Variants in PSMG2 observed in about 807,000 individuals in gnomAD.
The protein encoded by PSMG2 is CD40 ligand-activated specific transcript 3.
PSMG2 carries 21 observed loss-of-function variants against 31.5 expected under a neutral mutation model. The ratio of observed to expected loss-of-function variants is 0.67; its 90% CI spans 0.47 to 0.96. PSMG2 has a LOEUF of 0.96. Among genes scored for constraint, PSMG2 ranks in the 40% least tolerant of loss-of-function variants. The probability of loss-of-function intolerance (pLI) is 0.00; values close to 1 mark genes in which losing one functional copy is unlikely to be tolerated. For missense variants in PSMG2, 318 were observed against 321.2 expected (o/e 0.99, Z 0.08); for synonymous variants, 120 against 110.4 (o/e 1.09, Z -0.54).
chr18:12,662,636 G>C (rs1322054463), intron 1 of PSMG2, among the ~76,000 whole-genome samples: 1 of 152,126 alleles, frequency 6.6e-6, no homozygotes, highest in Non-Finnish European at 1.5e-5. Context: ...AAGTAACCAG[G>C]CATGGTGGTG....
upstream of PSMG2, among the ~76,000 whole-genome samples, chr18:12,701,313 T>C (rs2040142486): frequency 6.6e-6 from 1 of 152,166 alleles, no homozygotes; most frequent in Non-Finnish European, 1.5e-5. Flanking sequence ...GCACCTTTGT[T>C]ACCATTTCTC....
chr18:12,696,119 G>GT (rs2039947770), intron 1 of PSMG2, among the ~76,000 whole-genome samples: 1 of 152,202 alleles, frequency 6.6e-6, no homozygotes, highest in Non-Finnish European at 1.5e-5. Flanking sequence ...GACAAATTGG[G>GT]TATTGTTTTT....
At chr18:12,687,442 T>C (rs888043440) in intron 1 of PSMG2, among the ~76,000 whole-genome samples, 7 of 151,940 alleles carry the variant, frequency 4.6e-5, no homozygotes, top group Middle Eastern at 3.4e-3. Flanking sequence ...TTCTCAACTA[T>C]AGAAGGCATC....
chr18:12,695,331 C>G lies in PSMG2; in HGVS notation c.-36-11219C>G, dbSNP rs1159885477. 1.9e-6 allele frequency: 3 copies of G among 1,543,008 alleles called. No homozygotes were observed. The highest frequency in any genetic ancestry group is 1.4e-5 in the African/African-American group (1 of 73,106). The stretch of plus-strand genomic sequence containing the variant: ...TCAAGTTTTATATTTAAAATTCCCA[C>G]AGAAACTTTTGATTCTGTGCCTATA... On this transcript the variant is annotated intron_variant, in intron 1 of 6. Coordinates refer to the PSMG2 transcript ENST00000585331.
chr18:12,691,231 CATTTTA>C (rs1296095309), intron 1 of PSMG2: 1 of 584,334 alleles, frequency 1.7e-6, no homozygotes, highest in Admixed American at 3.8e-5. Flanking sequence ...ACAAAATCAG[CATTTTA>C]TTTTACAAAT....
Position 12,724,564 on chromosome 18 carries a change from A to G in PSMG2, c.647A>G (p.Asp216Gly). The G allele has an allele frequency of 3.7e-6, 6 of 1,611,660 alleles. No homozygotes were observed. Among genetic ancestry groups the G allele is most frequent in the Non-Finnish European group, 4.2e-6 (5 of 1,178,968 alleles). The change falls in exon 6 of 7, where the codon GAT becomes GGT. Residue 216 changes from aspartate (D) to glycine (G), a missense_variant. Asp to Gly is a moderately conservative substitution (Grantham distance 94, BLOSUM62 -1). Transcript: ENST00000317615. ...GTTTCAGAAGGGGACAACATCCCAG[A>G]TGCATTAGGTCTTGTTGAGTATCTT... ...KFVSEGDNIP[D>G]ALGLVEYLNE... is the part of the protein sequence containing the mutation.
intron 1 of PSMG2, among the ~76,000 whole-genome samples, chr18:12,704,128 G>A (rs1394980906): frequency 2.6e-5 from 4 of 152,184 alleles, no homozygotes; most frequent in Admixed American, 6.5e-5. Context: ...GCCCAGAGAT[G>A]TGTAAGGTGA....
chr18:12,712,825 G>T (rs2040343872), intron 3 of PSMG2, 65 bp downstream of exon 3: 1 of 1,281,954 alleles, frequency 7.8e-7, no homozygotes, highest in South Asian at 1.3e-5. Context: ...TAACATTAGG[G>T]ATTAAGATTC....
At chr18:12,675,417 T>A (rs1057313421) in intron 1 of PSMG2, among the ~76,000 whole-genome samples, 14 of 151,324 alleles carry the variant, frequency 9.3e-5, no homozygotes, top group Admixed American at 8.6e-4. Context: ...ATAAATAAAA[T>A]AAATAAAAAA....
chr18:12,691,197 C>CA, intron 1 of PSMG2: 1 of 478,616 alleles, frequency 2.1e-6, no homozygotes, highest in African/African-American at 2.0e-5. Context: ...TCTTGCCACT[C>CA]ACTATGCAGT....
intron 5 of PSMG2, among the ~76,000 whole-genome samples, chr18:12,723,046 G>A (rs1285252842): frequency 2.0e-5 from 3 of 152,248 alleles, no homozygotes; most frequent in Admixed American, 6.5e-5. Flanking sequence ...GCTAGGGTGA[G>A]TGAGGCTAAC....
At position 12,718,603 on chromosome 18, in the gene PSMG2, T is replaced by A. The variant is rs2040400448; in HGVS notation, c.375T>A (p.His125Gln). 4 of 1,610,494 alleles carry A rather than the reference T, an allele frequency of 2.5e-6. No individual in the cohort carries two copies. Among genetic ancestry groups the A allele is most frequent in the Non-Finnish European group, 1.7e-6 (2 of 1,177,804 alleles). The part of the protein sequence containing the change: ...CARVIVLSSS[H>Q]SYQRNDLQLR... ...GAGTCATTGTTCTTTCAAGCAGTCA[T>A]TCATATCAGCGTAATGATCTGCAGC... The change falls in exon 4 of 7, where the codon CAT (histidine) becomes CAA (glutamine). Residue 125 changes from histidine to glutamine, a missense_variant. His to Gln is a conservative substitution (Grantham distance 24, BLOSUM62 0). Coordinates refer to ENST00000317615, the MANE Select transcript of PSMG2 (RefSeq NM_020232.5).
At chr18:12,701,223 T>C (rs1027799242), upstream of PSMG2, 4 of 738,146 alleles carry the variant, frequency 5.4e-6, no homozygotes, top group Admixed American at 2.6e-5. Flanking sequence ...GTTACCACAA[T>C]TGAATGGGAA....
At chr18:12,708,398 C>G (rs2040291274) in intron 2 of PSMG2, among the ~76,000 whole-genome samples, 2 of 151,004 alleles carry the variant, frequency 1.3e-5, no homozygotes, top group Admixed American at 1.3e-4. Flanking sequence ...GAGTTTTGCT[C>G]TTGTTGCCCG....
intron 1 of PSMG2, chr18:12,691,453 T>C: frequency 6.2e-7 from 1 of 1,605,916 alleles, no homozygotes; most frequent in South Asian, 1.1e-5. Context: ...AAATAATCGC[T>C]CTTTCTCTGC....
intron 1 of PSMG2, chr18:12,672,579 T>C (rs2038975843): frequency 4.8e-6 from 4 of 834,348 alleles, no homozygotes; most frequent in Non-Finnish European, 4.3e-6. Flanking sequence ...TTTCAGAAGA[T>C]AGAATCCATG....
At chr18:12,702,458 G>C (rs1371606574), upstream of PSMG2, 2 of 1,553,186 alleles carry the variant, frequency 1.3e-6, no homozygotes, top group Non-Finnish European at 1.8e-6. Context: ...TCGGCCCGGC[G>C]GTCTCTCCCA....
chr18:12,674,585 T>C (rs753583590), intron 1 of PSMG2: 13 of 1,614,000 alleles, frequency 8.1e-6, no homozygotes, highest in African/African-American at 4.0e-5. Flanking sequence ...ACAAAATGTA[T>C]TGGGAACCCT....
upstream of PSMG2, among the ~76,000 whole-genome samples, chr18:12,701,382 A>C (rs1423193010): frequency 1.3e-5 from 2 of 152,214 alleles, no homozygotes; most frequent in Non-Finnish European, 1.5e-5. Flanking sequence ...TAATCAGAAG[A>C]ACACGGACTG....
Sources: gnomAD v4.1 joint callset for allele counts (sites outside exome capture counted in the v4.1 genomes callset) on GRCh38, gnomAD v4.1.1 for gene constraint, MANE v1.5 for transcripts, NCBI Gene and HGNC (gene_info 2026-07-23, HGNC 2026-07-21) for gene names.